Variants in FSTL4 observed in about 807,000 individuals in gnomAD.
FSTL4 encodes the protein follistatin like 4.
Under a neutral mutation model 78.2 loss-of-function variants are expected in FSTL4, and 28 were observed. The observed-to-expected ratio is 0.36, with a 90% CI of 0.27 to 0.49. The LOEUF is 0.49. Among genes scored for constraint, FSTL4 ranks in the 20% least tolerant of loss-of-function variants. The probability of loss-of-function intolerance (pLI) is 0.98; values close to 1 mark genes in which losing one functional copy is unlikely to be tolerated. For synonymous variants in FSTL4, 422 were observed against 440.5 expected, an observed-to-expected ratio of 0.96 and a Z score of 0.53; for missense variants, 922 against 1,084.9, an observed-to-expected ratio of 0.85 and a Z score of 2.11.
intron 3 of FSTL4, among the ~76,000 whole-genome samples, chr5:133,448,068 G>T (rs1029844843): frequency 6.6e-6 from 1 of 152,180 alleles, no homozygotes; most frequent in African/African-American, 2.4e-5. Context: ...AGTAGCCGTG[G>T]TTTAGTCTTT....
intron 3 of FSTL4, among the ~76,000 whole-genome samples, chr5:133,486,410 G>A (rs1199459428): frequency 5.9e-5 from 9 of 151,564 alleles, no homozygotes; most frequent in Admixed American, 5.9e-4. Flanking sequence ...AGACGGCAGA[G>A]GAGGGGGGAT....
At chr5:133,631,143 C>CAACAAAAGCCA in the FSTL4 span, among the ~76,000 whole-genome samples, 1 of 152,088 alleles carries the variant, frequency 6.6e-6, no homozygotes, top group Admixed American at 6.5e-5. Flanking sequence ...CCAAAATTGG[C>CAACAAAAGCCA]AAATGGGGTC....
the FSTL4 span, among the ~76,000 whole-genome samples, chr5:133,742,226 G>A: frequency 4.2e-4 from 64 of 152,274 alleles, no homozygotes; most frequent in South Asian, 2.9e-3. Flanking sequence ...TAGCAGGGCC[G>A]CCCTGTGGAG....
chr5:133,519,284 C>T (rs747257345), intron 3 of FSTL4, among the ~76,000 whole-genome samples: 5 of 152,216 alleles, frequency 3.3e-5, no homozygotes, highest in African/African-American at 4.8e-5. Flanking sequence ...AGCTGGAATG[C>T]GCCCCTGCTT....
intron 3 of FSTL4, among the ~76,000 whole-genome samples, chr5:133,409,967 T>G (rs905120135): frequency 1.1e-4 from 16 of 152,206 alleles, no homozygotes; most frequent in African/African-American, 3.9e-4. Context: ...TGGAAAAAAT[T>G]ATCCCACATC....
intron 3 of FSTL4, among the ~76,000 whole-genome samples, chr5:133,486,683 C>T (rs1356249555): frequency 6.6e-6 from 1 of 152,090 alleles, no homozygotes; most frequent in East Asian, 1.9e-4. Flanking sequence ...AGAAACGGCC[C>T]CCTCTTCACC....
At chr5:133,625,788 T>TATATATATATTCC in the FSTL4 span, among the ~76,000 whole-genome samples, 452 of 830 alleles carry the variant, frequency 0.54, 169 homozygotes, top group Admixed American at 0.77. Context: ...ATATATTCCA[T>TATATATATATTCC]ATATATATAT....
chr5:133,199,568 C>G lies in FSTL4; in HGVS notation c.2056G>C (p.Gly686Arg), dbSNP rs376343094. ...GTGTGTGGGGTGCCTGTTACATCACCATTGGGGCCAAGCACAGAGTCTGTG... is the reference window on the plus strand; with the variant it reads ...GTGTGTGGGGTGCCTGTTACATCACGATTGGGGCCAAGCACAGAGTCTGTG... ...SVTDSVLGPN[G>R]DVTGTPHTSP... Residue 686 changes from glycine to arginine, a missense_variant, in exon 16 of 16, where the codon GGT becomes CGT. Transcript: ENST00000265342. This position sits in a 1 kb window ranked among gnomAD's most constrained non-coding sequence, Gnocchi z 4.4. 42 of 1,613,934 alleles carry G rather than the reference C, an allele frequency of 2.6e-5. No homozygotes were observed. The highest frequency in any genetic ancestry group is 2.0e-4 in the East Asian group (9 of 44,884).
chr5:133,633,011 C>T, the FSTL4 span, among the ~76,000 whole-genome samples: 1 of 152,162 alleles, frequency 6.6e-6, no homozygotes, highest in Non-Finnish European at 1.5e-5. Flanking sequence ...TTTAATAACT[C>T]CTCTGTCATT....
chr5:133,202,362 TGG>T (rs1750354080), intron 14 of FSTL4: 1 of 182,442 alleles, frequency 5.5e-6, no homozygotes. Context: ...GGGGTGGTGG[TGG>T]GGTTTCCAAG....
the FSTL4 span, among the ~76,000 whole-genome samples, chr5:133,696,179 T>G: frequency 0.039 from 6,015 of 152,360 alleles, 213 homozygotes; most frequent in East Asian, 0.19. Flanking sequence ...TGCCCGGCTC[T>G]GAAGCCTACG....
In FSTL4 at chr5:133,225,834, C is replaced by A; in HGVS notation, c.1016-15G>T. On this transcript the variant is annotated splice_polypyrimidine_tract_variant and intron_variant, in intron 8 of 15. Coordinates refer to ENST00000265342, the MANE Select transcript of FSTL4 (RefSeq NM_015082.2). This position sits in a 1 kb window ranked among gnomAD's most constrained non-coding sequence, Gnocchi z 4.6. Reference sequence around the variant, plus strand: ...GACTGGCGGCACTGTGGGTGAGAGTCAGTGCTGGTGAGAAAGAGACGGCCC... The same window carrying A: ...GACTGGCGGCACTGTGGGTGAGAGTAAGTGCTGGTGAGAAAGAGACGGCCC... The A allele has an allele frequency of 1.3e-6, 2 of 1,545,248 alleles. No individual in the cohort carries two copies. Among genetic ancestry groups the A allele is most frequent in the South Asian group, 1.3e-5 (1 of 79,118 alleles).
rs770963961 is a variant in FSTL4, at chr5:133,260,130, G to A, written c.728-10554C>T. ...AGTCTTTATCATCTGGGTCCCCGTC[G>A]TCCCAAGTTTCCTGGGGTTGGACTG... On this transcript the variant is annotated intron_variant, in intron 6 of 15. Coordinates refer to ENST00000265342, the MANE Select transcript of FSTL4 (RefSeq NM_015082.2). 1.4e-4 allele frequency among the ~76,000 whole-genome samples: 21 copies of A among 152,170 alleles called. 1 individual carries two copies. Among genetic ancestry groups the A allele is most frequent in the Admixed American group, 2.6e-4 (4 of 15,286 alleles).
the FSTL4 span, among the ~76,000 whole-genome samples, chr5:133,637,618 C>G: frequency 6.6e-6 from 1 of 152,220 alleles, no homozygotes; most frequent in South Asian, 2.1e-4. Context: ...CACTTCTTCT[C>G]AGTCTGCTAT....
At chr5:133,764,443 A>C in the FSTL4 span, among the ~76,000 whole-genome samples, 1 of 152,204 alleles carries the variant, frequency 6.6e-6, no homozygotes, top group Non-Finnish European at 1.5e-5. Flanking sequence ...GAACAAGCCA[A>C]AGGTCCCCTT....
chr5:133,831,035 G>A, the FSTL4 span, among the ~76,000 whole-genome samples: 26 of 152,114 alleles, frequency 1.7e-4, no homozygotes, highest in Admixed American at 1.4e-3. Context: ...ACACAGGGCC[G>A]AGACGCTTAG....
chr5:133,261,038 G>T (rs1023705365), intron 6 of FSTL4, among the ~76,000 whole-genome samples: 1 of 152,214 alleles, frequency 6.6e-6, no homozygotes, highest in African/African-American at 2.4e-5. Context: ...TAGGATTCTA[G>T]GCAGGAGACT....
intron 4 of FSTL4, among the ~76,000 whole-genome samples, chr5:133,328,352 A>G (rs1754265175): frequency 6.6e-6 from 1 of 152,178 alleles, no homozygotes; most frequent in Non-Finnish European, 1.5e-5. Flanking sequence ...GCCTGGTTCA[A>G]TTGATGTTGC....
At chr5:133,360,019 C>T (rs979082272) in intron 4 of FSTL4, among the ~76,000 whole-genome samples, 2 of 152,216 alleles carry the variant, frequency 1.3e-5, no homozygotes, top group Admixed American at 6.5e-5. Context: ...TAAGTGGGTT[C>T]CAAGAGAACA....
Sources: allele counts gnomAD v4.1 joint callset (sites outside exome capture counted in the v4.1 genomes callset), GRCh38; gene constraint gnomAD v4.1.1; non-coding constraint Gnocchi (gnomAD v3.1); transcripts MANE v1.5; gene names NCBI Gene and HGNC (gene_info 2026-07-23, HGNC 2026-07-21).